The following ATP9B variants were observed in gnomAD, a reference collection of about 807,000 sequenced individuals.
The protein encoded by ATP9B is ATPase phospholipid transporting 9B.
A neutral mutation model predicts 146.1 loss-of-function variants in ATP9B; 110 were observed. That is an observed-to-expected ratio of 0.75 (90% CI 0.65 to 0.88). The LOEUF (loss-of-function observed/expected upper bound fraction) is 0.88, where lower values mean the gene tolerates loss of function less well. Among genes scored for constraint, ATP9B ranks in the 40% least tolerant of loss-of-function variants. ATP9B has a pLI of 0.00. For synonymous variants in ATP9B, 604 were observed against 569.7 expected (o/e 1.06, Z -0.86); for missense variants, 1,499 against 1,496.4 (o/e 1.00, Z -0.03).
At chr18:79,283,198 T>G (rs1281461556) in intron 13 of ATP9B, among the ~76,000 whole-genome samples, 1 of 152,254 alleles carries the variant, frequency 6.6e-6, no homozygotes, top group Non-Finnish European at 1.5e-5. Context: ...AGACAGGCTT[T>G]TGCAGTCACC....
intron 7 of ATP9B, among the ~76,000 whole-genome samples, chr18:79,155,753 CTTTTTTTTTT>C (rs56002235): frequency 2.0e-4 from 15 of 74,050 alleles, no homozygotes; most frequent in African/African-American, 7.9e-4. Context: ...TGTTTTCTCT[CTTTTTTTTTT>C]TTTTTTTTTT....
intron 5 of ATP9B, among the ~76,000 whole-genome samples, chr18:79,134,361 T>C (rs1599798687): frequency 6.6e-6 from 1 of 152,308 alleles, no homozygotes; most frequent in South Asian, 2.1e-4. Context: ...ATACATCCCA[T>C]GGCACCTGTA....
At chr18:79,298,906 GT>G (rs1482762455) in intron 13 of ATP9B, among the ~76,000 whole-genome samples, 2 of 114,458 alleles carry the variant, frequency 1.7e-5, no homozygotes, top group Non-Finnish European at 3.9e-5. Context: ...CTTAATTCCT[GT>G]TTCTTGTTGA....
intron 5 of ATP9B, among the ~76,000 whole-genome samples, chr18:79,141,408 G>T (rs1401942816): frequency 6.6e-6 from 1 of 151,928 alleles, no homozygotes; most frequent in Non-Finnish European, 1.5e-5. Context: ...TAATATACTT[G>T]GTCACTATTA....
At chr18:79,199,112 G>A (rs192490397) in intron 9 of ATP9B, among the ~76,000 whole-genome samples, 42 of 151,894 alleles carry the variant, frequency 2.8e-4, no homozygotes, top group African/African-American at 8.4e-4. Flanking sequence ...CTGCCACGCC[G>A]GGCTAATTTT....
At chr18:79,121,955 T>G (rs2094197116) in intron 4 of ATP9B, among the ~76,000 whole-genome samples, 1 of 152,210 alleles carries the variant, frequency 6.6e-6, no homozygotes, top group Non-Finnish European at 1.5e-5. Flanking sequence ...TTTTTGTGGC[T>G]TATGATTACT....
intron 17 of ATP9B, among the ~76,000 whole-genome samples, chr18:79,332,321 T>G (rs7244010): frequency 3.7e-4 from 56 of 152,176 alleles, no homozygotes; most frequent in African/African-American, 1.3e-3. Context: ...CCCAGCTACT[T>G]GGGAGGCTGA....
chr18:79,245,831 C>T (rs113992511), intron 11 of ATP9B, among the ~76,000 whole-genome samples: 1,305 of 73,028 alleles, frequency 0.018, no homozygotes, highest in Middle Eastern at 0.033. Flanking sequence ...CTGAGGAGGG[C>T]ACCACCCTAC....
chr18:79,200,788 T>TGGGGACTGTCGGGGTCATAGCAGA (rs370231088), intron 9 of ATP9B, among the ~76,000 whole-genome samples: 1 of 35,458 alleles, frequency 2.8e-5, no homozygotes, highest in Non-Finnish European at 6.5e-5. Flanking sequence ...GAAGTAGTGG[T>TGGGGACTGTCGGGGTCATAGCAGA]GGAATTGTTT....
intron 13 of ATP9B, among the ~76,000 whole-genome samples, chr18:79,278,974 A>G (rs1049415300): frequency 7.2e-5 from 11 of 152,182 alleles, no homozygotes; most frequent in African/African-American, 2.7e-4. Context: ...AAGCAGACCA[A>G]AGTTGCCAGT....
At chr18:79,376,277 T>C (rs1330296054) in intron 29 of ATP9B, 1 of 984,938 alleles carries the variant, frequency 1.0e-6, no homozygotes, top group African/African-American at 1.7e-5. Flanking sequence ...TTAGGTGAGC[T>C]GGTGTCTCTT....
chr18:79,307,788 G>A lies in ATP9B; in HGVS notation c.1773+554G>A, dbSNP rs554877839. Reference sequence around the variant, plus strand: ...TACATCACTCTTTGATTTTTAGATCGGGAAAATTCATTATTAAATTTGTTT... The same window carrying A: ...TACATCACTCTTTGATTTTTAGATCAGGAAAATTCATTATTAAATTTGTTT... On this transcript the variant is annotated intron_variant, in intron 15 of 29. Coordinates refer to ENST00000426216, the MANE Select transcript of ATP9B (RefSeq NM_198531.5). Among the ~76,000 whole-genome samples the A allele has an allele frequency of 2.8e-3, 423 of 152,174 alleles. 4 individuals are homozygous for A. The highest frequency in any genetic ancestry group is 9.6e-3 in the African/African-American group (399 of 41,510).
At chr18:79,218,843 T>G (rs949693372) in intron 11 of ATP9B, among the ~76,000 whole-genome samples, 10 of 152,206 alleles carry the variant, frequency 6.6e-5, no homozygotes, top group Non-Finnish European at 1.3e-4. Context: ...TTGGCCAAGT[T>G]CAAGGAGTCA....
At chr18:79,143,263 ATAAGAATTTATTCAC>A (rs2094536024) in intron 5 of ATP9B, among the ~76,000 whole-genome samples, 1 of 152,260 alleles carries the variant, frequency 6.6e-6, no homozygotes, top group Non-Finnish European at 1.5e-5. Flanking sequence ...TGTTTCGTAG[ATAAGAATTTATTCAC>A]ATAGAGAAAT....
At chr18:79,184,685 C>T (rs1019326881) in intron 8 of ATP9B, among the ~76,000 whole-genome samples, 19 of 152,234 alleles carry the variant, frequency 1.2e-4, no homozygotes, top group Admixed American at 9.8e-4. Context: ...TTACATATTT[C>T]CTCCTTGTGT....
chr18:79,289,003 T>G (rs2096473483), intron 13 of ATP9B, among the ~76,000 whole-genome samples: 1 of 152,220 alleles, frequency 6.6e-6, no homozygotes, highest in African/African-American at 2.4e-5. Flanking sequence ...CTGATGGGCT[T>G]CCCTTTGAGG....
chr18:79,285,694 C>T (rs1161637033), intron 13 of ATP9B, among the ~76,000 whole-genome samples: 3 of 152,264 alleles, frequency 2.0e-5, no homozygotes, highest in East Asian at 1.9e-4. Flanking sequence ...TCCTTGCCCA[C>T]GCCTATGCCC....
chr18:79,301,019 T>C (rs757552545), intron 13 of ATP9B, among the ~76,000 whole-genome samples: 1 of 152,206 alleles, frequency 6.6e-6, no homozygotes, highest in Non-Finnish European at 1.5e-5. Context: ...ATCTGCTAAG[T>C]AGAATGTTTT....
chr18:79,216,078 A>ATTAAAT (rs59279123), intron 11 of ATP9B, among the ~76,000 whole-genome samples: 56,911 of 151,688 alleles, frequency 0.38, 11,539 homozygotes, highest in African/African-American at 0.54. Context: ...TTGAGGGTAA[A>ATTAAAT]TTAATTTTAA....
Sources: allele counts gnomAD v4.1 joint callset (sites outside exome capture counted in the v4.1 genomes callset), GRCh38; gene constraint gnomAD v4.1.1; transcripts MANE v1.5; gene names NCBI Gene and HGNC (gene_info 2026-07-23, HGNC 2026-07-21).